The following AGO2 variants were observed in gnomAD, a reference collection of about 807,000 sequenced individuals.
The protein encoded by AGO2 is argonaute RISC catalytic component 2, also known as protein argonaute-2.
A neutral mutation model predicts 102.3 loss-of-function variants in AGO2; 5 were observed. That is an observed-to-expected ratio of 0.05 (90% confidence interval 0.03 to 0.10). The LOEUF (loss-of-function observed/expected upper bound fraction) is 0.10. AGO2 is among the 10% of genes least tolerant of loss of function. AGO2 has a pLI of 1.00. For synonymous variants in AGO2, 449 were observed against 473.1 expected, an observed-to-expected ratio of 0.95 and a Z score of 0.66; for missense variants, 541 against 1,183.7, an observed-to-expected ratio of 0.46 and a Z score of 7.97.
chr8:140,603,190 C>A (rs1485187899), intron 1 of AGO2, among the ~76,000 whole-genome samples: 2 of 152,160 alleles, frequency 1.3e-5, no homozygotes, highest in Admixed American at 6.5e-5. Flanking sequence ...GGGGTCTAAT[C>A]TGGCCCTGTG....
At chr8:140,629,769 T>C (rs2074318563) in intron 1 of AGO2, among the ~76,000 whole-genome samples, 1 of 150,278 alleles carries the variant, frequency 6.7e-6, no homozygotes, top group Admixed American at 6.7e-5. Flanking sequence ...CCGGGGAGGT[T>C]GAGGCTGCAG....
intron 10 of AGO2, 97 bp from the exon 11 acceptor site, chr8:140,551,533 CA>C: frequency 7.5e-7 from 1 of 1,326,244 alleles, no homozygotes; most frequent in Non-Finnish European, 9.8e-7. Context: ...CCCTGACCAA[CA>C]ACTGCTTCTC....
chr8:140,626,750 G>C (rs1268902643), intron 1 of AGO2: 1 of 152,350 alleles, frequency 6.6e-6, no homozygotes, highest in Non-Finnish European at 1.5e-5. Context: ...TCCACACACA[G>C]ATTTGTTCCA....
rs1217996397 is a variant in AGO2, at chr8:140,521,945, T to C, written c.*10099A>G. The stretch of plus-strand genomic sequence containing the variant: ...AAAATGAAGTGATAAGCTATAAATA[T>C]GTGCATAGAGGAGTTTGGACTTTAT... On this transcript the variant is annotated 3_prime_UTR_variant, in exon 19 of 19. Coordinates refer to ENST00000220592, the MANE Select transcript of AGO2 (RefSeq NM_012154.5). 2.0e-5 allele frequency: 3 copies of C among 152,174 alleles called. No individual in the cohort carries two copies. The highest frequency in any genetic ancestry group is 1.9e-4 in the East Asian group (1 of 5,204). The allele number at this position is 152,174 out of a possible 1,614,324, so 9.4% of individuals were successfully genotyped here.
At chr8:140,555,613 G>A (rs956332867) in intron 10 of AGO2, 5 of 337,572 alleles carry the variant, frequency 1.5e-5, no homozygotes, top group African/African-American at 8.5e-5. Context: ...TTCGACCCTC[G>A]GTGAGTGTCT....
Position 140,527,521 on chromosome 8 carries a change from T to TA in AGO2, c.*4522dup, listed in dbSNP as rs397841523. 1 of 153,126 alleles carries TA rather than the reference T, an allele frequency of 6.5e-6. No individual in the cohort carries two copies. The highest frequency in any genetic ancestry group is 2.4e-5 in the African/African-American group (1 of 41,422). 9.5% of individuals were successfully genotyped at this position (153,126 alleles called of 1,614,324 possible). A position where few individuals can be genotyped will look rare whatever the true frequency, so the allele number is the denominator to read the frequency against. ...AAAAAAGAGTCAGCGTGTGTGTGTGTAACAGGGGCACCCCCATGACAAAGT... is the reference window on the plus strand; with the variant it reads ...AAAAAAGAGTCAGCGTGTGTGTGTGTAAACAGGGGCACCCCCATGACAAAGT... On this transcript the variant is annotated 3_prime_UTR_variant, in exon 19 of 19. Coordinates refer to ENST00000220592, the MANE Select transcript of AGO2 (RefSeq NM_012154.5). The surrounding 1 kb of genome is among the most constrained non-coding windows in gnomAD (Gnocchi z 6.0).
intron 2 of AGO2, among the ~76,000 whole-genome samples, chr8:140,577,768 G>A (rs182547126): frequency 6.6e-6 from 1 of 152,266 alleles, no homozygotes; most frequent in Admixed American, 6.5e-5. Context: ...CAGGATTCAA[G>A]GAAATACAAC....
rs545340576 is a variant in AGO2 at position 140,565,296 on chromosome 8, G to A, written c.337-2662C>T. On this transcript the variant is annotated intron_variant, in intron 3 of 18. Transcript: ENST00000220592. ...CTACTAAAAATACAAAAAATTAGCC[G>A]GGCGTGGTGGCGGGCGCCTGTAGTC... Among the ~76,000 whole-genome samples, 392 of 151,302 alleles carry A rather than the reference G, an allele frequency of 2.6e-3. 2 individuals are homozygous for A. Among genetic ancestry groups the A allele is most frequent in the African/African-American group, 9.2e-3 (379 of 41,222 alleles).
intron 1 of AGO2, among the ~76,000 whole-genome samples, chr8:140,607,485 T>TATATATAG (rs2074017095): frequency 1.3e-5 from 1 of 79,652 alleles, no homozygotes; most frequent in Non-Finnish European, 2.1e-5. Context: ...TATATATATA[T>TATATATAG]ATATATATAT....
At chr8:140,574,172 C>T (rs1175915759) in intron 2 of AGO2, among the ~76,000 whole-genome samples, 3 of 150,426 alleles carry the variant, frequency 2.0e-5, no homozygotes, top group Non-Finnish European at 4.4e-5. Context: ...AGAGAGGCCT[C>T]CAGAAACACA....
rs1390855273 is a variant in AGO2, at chr8:140,532,814, G to A, written c.2272-199C>T. On this transcript the variant is annotated intron_variant, in intron 17 of 18. Coordinates refer to ENST00000220592, the MANE Select transcript of AGO2 (RefSeq NM_012154.5). Reference sequence around the variant, plus strand: ...GTTCGAGTCCAGCCTGGCCAACATAGTGAAACCCCATCTCTACTAAAAATA... The same window carrying A: ...GTTCGAGTCCAGCCTGGCCAACATAATGAAACCCCATCTCTACTAAAAATA... 9.3e-6 allele frequency: 5 copies of A among 538,164 alleles called. No individual in the cohort carries two copies. In the African/African-American group the frequency reaches 9.7e-5, roughly 10 times the overall value. The allele number at this position is 538,164 out of a possible 1,614,324, so 33.3% of individuals were successfully genotyped here. A position where few individuals can be genotyped will look rare whatever the true frequency, so the allele number is the denominator to read the frequency against.
Position 140,539,519 on chromosome 8 carries a change from G to C in AGO2, c.2035-65C>G. ...TAGTGCATGTGAGCAACGGTCCCAC[G>C]TGCGGGTTCTGGGTTGAGAACACCC... On this transcript the variant is annotated intron_variant, in intron 15 of 18. Coordinates refer to ENST00000220592, the MANE Select transcript of AGO2 (RefSeq NM_012154.5). This position sits in a 1 kb window ranked among gnomAD's most constrained non-coding sequence, Gnocchi z 4.7. 1 of 1,541,136 alleles carries C rather than the reference G, an allele frequency of 6.5e-7. No homozygotes were observed. The highest frequency in any genetic ancestry group is 8.8e-7 in the Non-Finnish European group (1 of 1,135,308).
Position 140,530,470 on chromosome 8 carries a change from G to A in AGO2, c.*1574C>T, listed in dbSNP as rs748866465. 22 of 152,284 alleles carry A rather than the reference G, an allele frequency of 1.4e-4. No homozygotes were observed. The highest frequency in any genetic ancestry group is 1.9e-4 in the Non-Finnish European group (13 of 68,078). The allele number at this position is 152,284 out of a possible 1,614,324, so 9.4% of individuals were successfully genotyped here. Reference sequence around the variant, plus strand: ...AGGGGAGGCTCGCCTCCTTCCTGACGCCTCTACACGGAACATGGATTTGAG... The same window carrying A: ...AGGGGAGGCTCGCCTCCTTCCTGACACCTCTACACGGAACATGGATTTGAG... On this transcript the variant is annotated 3_prime_UTR_variant, in exon 19 of 19. Coordinates refer to ENST00000220592, the MANE Select transcript of AGO2 (RefSeq NM_012154.5).
intron 2 of AGO2, among the ~76,000 whole-genome samples, chr8:140,584,136 T>TAAAAAAAAAAAAAAAAAAAAAAA (rs11361657): frequency 1.7e-5 from 2 of 116,992 alleles, no homozygotes; most frequent in Non-Finnish European, 1.7e-5. Flanking sequence ...AGAAACTCAG[T>TAAAAAAAAAAAAAAAAAAAAAAA]AAAAAAAAAA....
At chr8:140,599,117 T>A (rs1471713341) in intron 1 of AGO2, among the ~76,000 whole-genome samples, 1 of 152,160 alleles carries the variant, frequency 6.6e-6, no homozygotes, top group Non-Finnish European at 1.5e-5. Flanking sequence ...TGCCCAGCAG[T>A]GTTAAAATCC....
chr8:140,554,972 G>A (rs746794685), intron 10 of AGO2, among the ~76,000 whole-genome samples: 3 of 152,044 alleles, frequency 2.0e-5, no homozygotes, highest in Non-Finnish European at 2.9e-5. Context: ...CACTCACTGC[G>A]CCCAGCTCAG....
At chr8:140,603,093 C>T (rs1186142393) in intron 1 of AGO2, among the ~76,000 whole-genome samples, 1 of 152,244 alleles carries the variant, frequency 6.6e-6, no homozygotes, top group African/African-American at 2.4e-5. Flanking sequence ...CTGGCCCCAA[C>T]TTCAGAGACC....
At chr8:140,586,711 G>A (rs1048948081) in intron 1 of AGO2, among the ~76,000 whole-genome samples, 2 of 152,174 alleles carry the variant, frequency 1.3e-5, no homozygotes, top group Non-Finnish European at 1.5e-5. Flanking sequence ...CCTGAGGACC[G>A]ACTGAGCTTC....
chr8:140,562,303 T>G, intron 4 of AGO2, 150 bp downstream of exon 4: 1 of 961,090 alleles, frequency 1.0e-6, no homozygotes, highest in Non-Finnish European at 1.5e-6. Flanking sequence ...CTTAGCACCA[T>G]TTGTGTTATC....
Sources: gnomAD v4.1 joint callset for allele counts (sites outside exome capture counted in the v4.1 genomes callset) on GRCh38, gnomAD v4.1.1 for gene constraint, Gnocchi (gnomAD v3.1) non-coding constraint, MANE v1.5 for transcripts, NCBI Gene and HGNC (gene_info 2026-07-23, HGNC 2026-07-21) for gene names.